PTPRT: variants seen among roughly 807,000 people sequenced by gnomAD.
PTPRT encodes the protein receptor-type tyrosine-protein phosphatase T.
Under a neutral mutation model 176.8 loss-of-function variants are expected in PTPRT, and 56 were observed. That is an observed-to-expected ratio of 0.32 (90% CI 0.26 to 0.40). The LOEUF is 0.40. PTPRT is among the 10% of genes least tolerant of loss of function. PTPRT has a pLI of 1.00. For synonymous variants in PTPRT, 783 were observed against 739.0 expected (o/e 1.06, Z -0.96); for missense variants, 1,540 against 1,908.2 (o/e 0.81, Z 3.60).
At chr20:42,871,515 C>T (rs571019044) in intron 2 of PTPRT, among the ~76,000 whole-genome samples, 1 of 152,176 alleles carries the variant, frequency 6.6e-6, no homozygotes, top group South Asian at 2.1e-4. Context: ...TTGCTCTTGT[C>T]GCCTGTACTT....
At chr20:42,522,281 T>C (rs1169171106) in intron 7 of PTPRT, among the ~76,000 whole-genome samples, 1 of 151,578 alleles carries the variant, frequency 6.6e-6, no homozygotes, top group Non-Finnish European at 1.5e-5. Context: ...TAGATATATT[T>C]TCTTAAATTT....
At chr20:42,499,313 CAG>C (rs918035683) in intron 7 of PTPRT, among the ~76,000 whole-genome samples, 2 of 145,318 alleles carry the variant, frequency 1.4e-5, no homozygotes, top group African/African-American at 5.1e-5. Context: ...TTTTTTGAGA[CAG>C]AGTTTTGCTC....
chr20:42,964,290 G>A (rs945347031), intron 1 of PTPRT, among the ~76,000 whole-genome samples: 3 of 152,036 alleles, frequency 2.0e-5, no homozygotes, highest in African/African-American at 7.2e-5. Flanking sequence ...ATTGCCAAGA[G>A]GTTAAATTGA....
chr20:42,805,786 C>T (rs1490073067), intron 2 of PTPRT, among the ~76,000 whole-genome samples: 1 of 152,126 alleles, frequency 6.6e-6, no homozygotes, highest in Admixed American at 6.5e-5. Flanking sequence ...ATTTCTGATG[C>T]TGCATCACTT....
intron 15 of PTPRT, among the ~76,000 whole-genome samples, chr20:42,225,163 C>A (rs1000383292): frequency 6.6e-6 from 1 of 152,174 alleles, no homozygotes; most frequent in Admixed American, 6.5e-5. Flanking sequence ...GTTTAAGGAA[C>A]ACCATCTAAA....
At position 42,111,154 on chromosome 20, in the gene PTPRT, G is replaced by A. The variant is rs796733605; in HGVS notation, c.3100-667C>T. Among the ~76,000 whole-genome samples the A allele has an allele frequency of 6.0e-4, 92 of 152,172 alleles. 1 individual carries two copies. Among genetic ancestry groups the A allele is most frequent in the African/African-American group, 2.1e-3 (88 of 41,522 alleles). On this transcript the variant is annotated intron_variant, in intron 22 of 30. Coordinates refer to ENST00000373187, the MANE Select transcript of PTPRT (RefSeq NM_007050.6). ...TCCACCCCTCACAGAGACACACTCC[G>A]GGCCCAGTAGTGGTTTTCTGACCAT... is the stretch of plus-strand genomic sequence containing the variant.
intron 15 of PTPRT, among the ~76,000 whole-genome samples, chr20:42,225,755 C>T (rs1208174840): frequency 1.3e-5 from 2 of 152,178 alleles, no homozygotes; most frequent in African/African-American, 2.4e-5. Flanking sequence ...CGGCTTCAAG[C>T]GATTCCTCTG....
chr20:42,239,459 C>T (rs1252047669), intron 14 of PTPRT, among the ~76,000 whole-genome samples: 7 of 126,098 alleles, frequency 5.6e-5, no homozygotes, highest in South Asian at 2.6e-4. Flanking sequence ...CTCACTCTGT[C>T]GCCCAGGCTG....
chr20:42,547,409 AT>A (rs2072694888), intron 7 of PTPRT, among the ~76,000 whole-genome samples: 1 of 151,976 alleles, frequency 6.6e-6, no homozygotes, highest in Non-Finnish European at 1.5e-5. Context: ...TGAAAAAAAA[AT>A]ATATTATTTA....
chr20:42,047,492 T>G, the PTPRT span, among the ~76,000 whole-genome samples: 3 of 152,228 alleles, frequency 2.0e-5, no homozygotes, highest in Non-Finnish European at 4.4e-5. Context: ...CATGGTCACA[T>G]GAGAATCATA....
chr20:42,266,936 TACAC>T (rs2056847905), intron 13 of PTPRT, among the ~76,000 whole-genome samples: 1 of 152,178 alleles, frequency 6.6e-6, no homozygotes, highest in Non-Finnish European at 1.5e-5. Flanking sequence ...ATGTGTAAAA[TACAC>T]ACCAAAGACT....
intron 7 of PTPRT, among the ~76,000 whole-genome samples, chr20:42,584,511 G>T (rs757853644): frequency 2.0e-5 from 3 of 152,254 alleles, no homozygotes; most frequent in Middle Eastern, 6.8e-3. Flanking sequence ...AATCAGAGAG[G>T]TCTTCTCTGA....
intron 24 of PTPRT, among the ~76,000 whole-genome samples, chr20:42,105,798 T>A (rs1986382270): frequency 6.6e-6 from 1 of 152,204 alleles, no homozygotes; most frequent in African/African-American, 2.4e-5. Context: ...TGGTATTCAC[T>A]GCAGATTCAG....
chr20:42,632,392 T>G (rs2074429079), intron 7 of PTPRT, among the ~76,000 whole-genome samples: 1 of 151,912 alleles, frequency 6.6e-6, no homozygotes, highest in Admixed American at 6.6e-5. Context: ...GCCTGGCTAA[T>G]TTTTGCATTT....
chr20:42,414,750 A>T (rs2059049552), intron 9 of PTPRT, among the ~76,000 whole-genome samples: 1 of 152,250 alleles, frequency 6.6e-6, no homozygotes, highest in Admixed American at 6.5e-5. Flanking sequence ...CTACTCAGAA[A>T]TATGAAAGAT....
intron 26 of PTPRT, 53 bp from the exon 27 acceptor site, chr20:42,098,605 C>CTGA (rs1985537371): frequency 4.4e-6 from 7 of 1,607,738 alleles, no homozygotes; most frequent in Non-Finnish European, 5.9e-6. Context: ...CAGTGATATT[C>CTGA]TGATGATGAT....
At chr20:42,247,941 A>G (rs1243228842) in intron 14 of PTPRT, among the ~76,000 whole-genome samples, 1 of 152,170 alleles carries the variant, frequency 6.6e-6, no homozygotes, top group African/African-American at 2.4e-5. Context: ...TGTTATCCTC[A>G]AGCCTTGTGA....
chr20:43,079,868 A>G (rs1191229228), intron 1 of PTPRT, among the ~76,000 whole-genome samples: 1 of 152,226 alleles, frequency 6.6e-6, no homozygotes, highest in Non-Finnish European at 1.5e-5. Context: ...TGCATTAGCC[A>G]GAAGCTTTAG....
chr20:42,874,701 T>G (rs565979218), intron 2 of PTPRT, among the ~76,000 whole-genome samples: 2 of 152,154 alleles, frequency 1.3e-5, no homozygotes, highest in South Asian at 2.1e-4. Context: ...GGCCTCAGTT[T>G]CCTCCTCTTT....
Sources: gnomAD v4.1 joint callset for allele counts (sites outside exome capture counted in the v4.1 genomes callset) on GRCh38, gnomAD v4.1.1 for gene constraint, MANE v1.5 for transcripts, NCBI Gene and HGNC (gene_info 2026-07-23, HGNC 2026-07-21) for gene names.